Variants in FHDC1 observed in about 807,000 individuals in gnomAD.
The protein encoded by FHDC1 is FH2 domain-containing protein 1.
A neutral mutation model predicts 52.6 loss-of-function variants in FHDC1; 25 were observed. The observed-to-expected ratio is 0.48, with a 90% CI of 0.35 to 0.66. FHDC1 has a LOEUF of 0.66. FHDC1 is among the 30% of genes least tolerant of loss of function. The probability of loss-of-function intolerance (pLI) is 0.01; values close to 1 mark genes in which losing one functional copy is unlikely to be tolerated. For synonymous variants in FHDC1, 616 were observed against 581.5 expected (o/e 1.06, Z -0.85); for missense variants, 1,459 against 1,452.8 (o/e 1.00, Z -0.07).
At chr4:152,949,846 C>T (rs769456424) in intron 2 of FHDC1, among the ~76,000 whole-genome samples, 1 of 152,164 alleles carries the variant, frequency 6.6e-6, no homozygotes, top group Non-Finnish European at 1.5e-5. Flanking sequence ...GCGTTAATTA[C>T]CTCATTACCT....
At chr4:152,967,104 A>G (rs112048797) in intron 9 of FHDC1, among the ~76,000 whole-genome samples, 3,586 of 152,154 alleles carry the variant, frequency 0.024, 51 homozygotes, top group Non-Finnish European at 0.037. Flanking sequence ...TGGGCAACAG[A>G]GTGAGACTGT....
the FHDC1 span, among the ~76,000 whole-genome samples, chr4:152,912,771 AT>A: frequency 6.6e-6 from 1 of 152,174 alleles, no homozygotes; most frequent in Non-Finnish European, 1.5e-5. Flanking sequence ...AGAAGTTGTT[AT>A]TCTAGAAAAA....
chr4:152,925,445 T>C, the FHDC1 span, among the ~76,000 whole-genome samples: 1 of 152,174 alleles, frequency 6.6e-6, no homozygotes, highest in African/African-American at 2.4e-5. Flanking sequence ...AAAGGAACTC[T>C]TAGGTGAAAA....
the FHDC1 span, among the ~76,000 whole-genome samples, chr4:152,914,779 GTACATC>G: frequency 1.3e-5 from 2 of 152,126 alleles, no homozygotes; most frequent in African/African-American, 2.4e-5. Context: ...CAGGTGAAAT[GTACATC>G]TAGCTGGTAT....
At chr4:152,943,988 G>A (rs894704412) in intron 2 of FHDC1, among the ~76,000 whole-genome samples, 4 of 152,136 alleles carry the variant, frequency 2.6e-5, no homozygotes, top group East Asian at 1.9e-4. Flanking sequence ...ATCAGCTGAC[G>A]TCCATCCTTA....
chr4:152,949,124 T>TAAGAAGAAGAAG (rs201070214), intron 2 of FHDC1, among the ~76,000 whole-genome samples: 787 of 74,618 alleles, frequency 0.011, 6 homozygotes, highest in East Asian at 0.03. Flanking sequence ...ATAATAATAA[T>TAAGAAGAAGAAG]AAGAAGAAGA....
the FHDC1 span, among the ~76,000 whole-genome samples, chr4:152,926,267 G>GACACACACACACAC: frequency 3.4e-4 from 49 of 144,540 alleles, no homozygotes; most frequent in African/African-American, 1.1e-3. Context: ...TTAAAATACA[G>GACACACACACACAC]ACACACACAC....
In FHDC1 at chr4:152,961,490, G is replaced by A. The variant is rs7677797; in HGVS notation, c.850+646G>A. 7.0e-3 allele frequency among the ~76,000 whole-genome samples: 1,063 copies of A among 152,298 alleles called. 11 individuals are homozygous for A. Among genetic ancestry groups the A allele is most frequent in the African/African-American group, 0.023 (962 of 41,538 alleles). ...AGCCTCTTCTCAGAGCTGCCCTGCC[G>A]TCTCCTTCCGGAGGGGTGGGAGCTT... On this transcript the variant is annotated intron_variant, in intron 6 of 11. Coordinates refer to ENST00000511601, the MANE Select transcript of FHDC1 (RefSeq NM_001371116.1).
chr4:152,968,681 T>C (rs1352185900), intron 10 of FHDC1, among the ~76,000 whole-genome samples: 3 of 152,196 alleles, frequency 2.0e-5, no homozygotes, highest in Admixed American at 2.0e-4. Context: ...CTCCTGTTGT[T>C]CACTGCTCAG....
chr4:152,949,173 C>A (rs200900852), intron 2 of FHDC1, among the ~76,000 whole-genome samples: 295 of 111,944 alleles, frequency 2.6e-3, no homozygotes, highest in African/African-American at 7.1e-3. Context: ...GAAGAAGAAG[C>A]AGAAGAAGAA....
At chr4:152,925,603 G>A in the FHDC1 span, among the ~76,000 whole-genome samples, 1 of 152,092 alleles carries the variant, frequency 6.6e-6, no homozygotes, top group Non-Finnish European at 1.5e-5. Flanking sequence ...ATTTAGATAG[G>A]TAGTTCTAAA....
intron 1 of FHDC1, among the ~76,000 whole-genome samples, chr4:152,936,769 A>T (rs1293920988): frequency 6.6e-6 from 1 of 152,252 alleles, no homozygotes; most frequent in Non-Finnish European, 1.5e-5. Context: ...GTTGACTATT[A>T]GTCGTGGCTA....
In FHDC1 at chr4:152,979,193, T is replaced by G. The variant is rs973466127; in HGVS notation, c.*2470T>G. 1.3e-5 allele frequency: 2 copies of G among 152,182 alleles called. No individual in the cohort carries two copies. Among genetic ancestry groups the G allele is most frequent in the African/African-American group, 4.8e-5 (2 of 41,444 alleles). The allele number at this position is 152,182 out of a possible 1,614,324, so 9.4% of individuals were successfully genotyped here. A position where few individuals can be genotyped will look rare whatever the true frequency, so the allele number is the denominator to read the frequency against. On this transcript the variant is annotated 3_prime_UTR_variant, in exon 12 of 12. Coordinates refer to ENST00000511601, the MANE Select transcript of FHDC1 (RefSeq NM_001371116.1). Reference sequence around the variant, plus strand: ...GGTGACTTTGGGAAGTCACCACCTCTTCCCAAGCCTGTTTCCCATATCACA... The same window carrying G: ...GGTGACTTTGGGAAGTCACCACCTCGTCCCAAGCCTGTTTCCCATATCACA...
the FHDC1 span, among the ~76,000 whole-genome samples, chr4:152,921,546 T>TTTCCTTCCTTCC: frequency 4.0e-4 from 55 of 138,610 alleles, no homozygotes; most frequent in African/African-American, 1.3e-3. Flanking sequence ...AAATATTTTC[T>TTTCCTTCCTTCC]TTCCTTCCTT....
Position 152,975,955 on chromosome 4 carries a change from C to G in FHDC1, c.2664C>G (p.Ala888=), listed in dbSNP as rs371530011. 4.0e-6 allele frequency: 6 copies of G among 1,517,674 alleles called. No homozygotes were observed. Among genetic ancestry groups the G allele is most frequent in the East Asian group, 2.3e-5 (1 of 44,064 alleles). The allele number at this position is 1,517,674 out of a possible 1,614,324, so 94.0% of individuals were successfully genotyped here. Residue 888 remains alanine, a synonymous_variant, in exon 12 of 12, where the codon GCC becomes GCG. Coordinates refer to ENST00000511601, the MANE Select transcript of FHDC1 (RefSeq NM_001371116.1). ...CCCGGCGGAGCCAGGGGGCAGTGGCCAAGTCTGTGCGGACCCTGACCGCCT... is the reference window on the plus strand; with the variant it reads ...CCCGGCGGAGCCAGGGGGCAGTGGCGAAGTCTGTGCGGACCCTGACCGCCT... ...GSARRSQGAV[A]KSVRTLTASE... is the part of the protein sequence containing the mutation.
At chr4:152,914,315 A>T in the FHDC1 span, among the ~76,000 whole-genome samples, 1 of 152,198 alleles carries the variant, frequency 6.6e-6, no homozygotes, top group Non-Finnish European at 1.5e-5. Context: ...CCAAGTGGTC[A>T]TCGTAATGTA....
At chr4:152,965,343 T>G (rs550515402) in intron 9 of FHDC1, among the ~76,000 whole-genome samples, 2 of 152,218 alleles carry the variant, frequency 1.3e-5, no homozygotes, top group South Asian at 4.1e-4. Flanking sequence ...TTTCACTGTT[T>G]CCTTGTAGAA....
chr4:152,922,095 T>C, the FHDC1 span, among the ~76,000 whole-genome samples: 1 of 151,892 alleles, frequency 6.6e-6, no homozygotes, highest in Non-Finnish European at 1.5e-5. Flanking sequence ...GATCAACAAA[T>C]TGATAGACCA....
chr4:152,957,006 AC>A (rs1278070532), intron 4 of FHDC1, among the ~76,000 whole-genome samples: 2 of 151,830 alleles, frequency 1.3e-5, no homozygotes, highest in Non-Finnish European at 2.9e-5. Flanking sequence ...GTAAGGACAA[AC>A]TTTTTTGTGT....
Sources: gnomAD v4.1 joint callset for allele counts (sites outside exome capture counted in the v4.1 genomes callset) on GRCh38, gnomAD v4.1.1 for gene constraint, MANE v1.5 for transcripts, NCBI Gene and HGNC (gene_info 2026-07-23, HGNC 2026-07-21) for gene names.